Variants in IGF1 observed in about 807,000 individuals in gnomAD.
The protein encoded by IGF1 is insulin like growth factor 1.
Under a neutral mutation model 13.8 loss-of-function variants are expected in IGF1, and 4 were observed. The ratio of observed to expected loss-of-function variants is 0.29; its 90% CI spans 0.14 to 0.66. The LOEUF (loss-of-function observed/expected upper bound fraction) is 0.66, where lower values mean the gene tolerates loss of function less well. Ranked by LOEUF, IGF1 falls within the 30% of genes least tolerant of loss-of-function variation. The pLI is 0.78. For synonymous variants in IGF1, 76 were observed against 72.6 expected (o/e 1.05, Z -0.23); for missense variants, 124 against 188.5 (o/e 0.66, Z 2.00).
At chr12:102,441,960 T>TCTTCTTCTTCTTCTTCTTCTTCTTCC (rs1565985036) in intron 2 of IGF1, among the ~76,000 whole-genome samples, 4 of 146,888 alleles carry the variant, frequency 2.7e-5, no homozygotes, top group Non-Finnish European at 4.5e-5. Flanking sequence ...TTCTTCTTTT[T>TCTTCTTCTTCTTCTTCTTCTTCTTCC]TTTTTTTGAG....
intron 2 of IGF1, among the ~76,000 whole-genome samples, chr12:102,429,091 T>G (rs924229045): frequency 2.0e-5 from 3 of 152,174 alleles, no homozygotes; most frequent in Admixed American, 6.5e-5. Context: ...ATACGAAGAG[T>G]GCTCAAGCAT....
intron 3 of IGF1, among the ~76,000 whole-genome samples, chr12:102,415,548 T>TTTCTTCCTTCCTTCCGTCCTTCCTTCCG (rs1565966720): frequency 2.9e-5 from 3 of 102,048 alleles, no homozygotes; most frequent in African/African-American, 1.2e-4. Flanking sequence ...TTCCCTTTCC[T>TTTCTTCCTTCCTTCCGTCCTTCCTTCCG]TCCTTCCTTC....
At chr12:102,463,643 G>C (rs1880093081) in intron 2 of IGF1, among the ~76,000 whole-genome samples, 1 of 152,178 alleles carries the variant, frequency 6.6e-6, no homozygotes, top group South Asian at 2.1e-4. Flanking sequence ...TTCATGAATG[G>C]CTAAGAGCTT....
chr12:102,468,382 G>T (rs1270928748), intron 2 of IGF1, among the ~76,000 whole-genome samples: 1 of 152,236 alleles, frequency 6.6e-6, no homozygotes, highest in African/African-American at 2.4e-5. Flanking sequence ...TGTAAAGTAA[G>T]TGAAGGGTTT....
intron 3 of IGF1, chr12:102,418,077 GC>G: frequency 6.7e-7 from 1 of 1,494,200 alleles, no homozygotes; most frequent in Non-Finnish European, 9.1e-7. Context: ...AGCTCAGAAT[GC>G]CCAGGCTCCA....
intron 2 of IGF1, among the ~76,000 whole-genome samples, chr12:102,447,117 C>T: frequency 6.6e-6 from 1 of 152,152 alleles, no homozygotes; most frequent in East Asian, 1.9e-4. Flanking sequence ...CATTCTTTTT[C>T]ATTTGCTAAG....
chr12:102,417,720 C>T, intron 3 of IGF1: 1 of 1,556,382 alleles, frequency 6.4e-7, no homozygotes, highest in Non-Finnish European at 8.6e-7. Flanking sequence ...AGCAGGCCTA[C>T]TTTTCTTCAT....
intron 2 of IGF1, 51 bp downstream of exon 2, chr12:102,475,592 G>A (rs1174054402): frequency 6.2e-7 from 1 of 1,602,184 alleles, no homozygotes. Context: ...TAAATCCACA[G>A]AGCTGTACAC....
At chr12:102,460,489 C>A (rs7971494) in intron 2 of IGF1, among the ~76,000 whole-genome samples, 5,204 of 152,226 alleles carry the variant, frequency 0.034, 97 homozygotes, top group African/African-American at 0.05. Flanking sequence ...CATCATTCTC[C>A]CTTGGGTATT....
rs1873586778 is a variant in IGF1 at position 102,400,398 on chromosome 12, G to A, written c.*2109C>T. The A allele has an allele frequency of 6.6e-6, 1 of 152,108 alleles. No homozygotes were observed. The highest frequency in any genetic ancestry group is 2.1e-4 in the South Asian group (1 of 4,826). The allele number at this position is 152,108 out of a possible 1,614,324, so 9.4% of individuals were successfully genotyped here. The stretch of plus-strand genomic sequence containing the variant: ...CTATGATGGACTAGTACACTAACCA[G>A]TGGACTTTCTTGATACCAATTTTCA... On this transcript the variant is annotated 3_prime_UTR_variant, in exon 4 of 4. Coordinates refer to ENST00000337514, the MANE Select transcript of IGF1 (RefSeq NM_000618.5).
intron 2 of IGF1, among the ~76,000 whole-genome samples, chr12:102,435,107 G>A (rs567400405): frequency 6.6e-6 from 1 of 152,298 alleles, no homozygotes; most frequent in East Asian, 1.9e-4. Context: ...AAGTGATCCA[G>A]AGATGATTTT....
intron 2 of IGF1, among the ~76,000 whole-genome samples, chr12:102,421,159 C>T (rs1875679697): frequency 6.6e-6 from 1 of 152,106 alleles, no homozygotes; most frequent in African/African-American, 2.4e-5. Flanking sequence ...TTCTGTAAGG[C>T]AGGTTTATTG....
At chr12:102,446,026 G>A (rs1878291332) in intron 2 of IGF1, among the ~76,000 whole-genome samples, 1 of 152,132 alleles carries the variant, frequency 6.6e-6, no homozygotes, top group Admixed American at 6.5e-5. Context: ...TTTATGTGAT[G>A]GATTATGTTT....
At chr12:102,409,000 T>G (rs1458653241) in intron 3 of IGF1, among the ~76,000 whole-genome samples, 1 of 152,222 alleles carries the variant, frequency 6.6e-6, no homozygotes, top group East Asian at 1.9e-4. Context: ...CCTCATCTTA[T>G]GCATCTGGTT....
intron 2 of IGF1, among the ~76,000 whole-genome samples, chr12:102,448,451 A>G (rs1232136439): frequency 6.8e-6 from 1 of 146,130 alleles, no homozygotes; most frequent in East Asian, 2.0e-4. Context: ...AAAAAACCAA[A>G]CACCGCATAT....
At chr12:102,417,583 C>G in intron 3 of IGF1, 1 of 1,155,568 alleles carries the variant, frequency 8.7e-7, no homozygotes, top group Non-Finnish European at 1.1e-6. Flanking sequence ...TTTTTTTTTT[C>G]ATTTTTGCCA....
chr12:102,451,737 A>T (rs923049503), intron 2 of IGF1, among the ~76,000 whole-genome samples: 1 of 152,226 alleles, frequency 6.6e-6, no homozygotes, highest in South Asian at 2.1e-4. Flanking sequence ...CTGAGGCAGG[A>T]ACCCTGTCAG....
intron 2 of IGF1, among the ~76,000 whole-genome samples, chr12:102,451,659 G>A (rs1170252164): frequency 6.6e-6 from 1 of 152,312 alleles, no homozygotes; most frequent in East Asian, 1.9e-4. Flanking sequence ...CAGTGCACAG[G>A]GATCTCTCCC....
At chr12:102,478,598 T>G in intron 1 of IGF1, 1 of 1,555,148 alleles carries the variant, frequency 6.4e-7, no homozygotes, top group Non-Finnish European at 8.7e-7. Context: ...TGCTGCTTTG[T>G]GGGTGGGGTT....
Sources: allele counts gnomAD v4.1 joint callset (sites outside exome capture counted in the v4.1 genomes callset), GRCh38; gene constraint gnomAD v4.1.1; transcripts MANE v1.5; gene names NCBI Gene and HGNC (gene_info 2026-07-23, HGNC 2026-07-21).